NEK1: variants seen among roughly 807,000 people sequenced by gnomAD.
The protein encoded by NEK1 is serine/threonine-protein kinase Nek1.
NEK1 carries 137 observed loss-of-function variants against 182.1 expected under a neutral mutation model. That is an observed-to-expected ratio of 0.75 (90% CI 0.65 to 0.87). The LOEUF is 0.87. NEK1 is among the 40% of genes least tolerant of loss of function. The pLI is 0.00. For missense variants in NEK1, 1,391 were observed against 1,494.4 expected (o/e 0.93, Z 1.14); for synonymous variants, 513 against 492.2 (o/e 1.04, Z -0.56).
chr4:169,584,180 C>T (rs1392485385), intron 10 of NEK1, among the ~76,000 whole-genome samples: 2 of 151,580 alleles, frequency 1.3e-5, no homozygotes, highest in Admixed American at 6.6e-5. Flanking sequence ...TTCAGTTAAA[C>T]TCAACAAATA....
Position 169,433,539 on chromosome 4 carries a change from A to G in NEK1, c.2885+6T>C. On this transcript the variant is annotated splice_donor_region_variant and intron_variant, in intron 29 of 35. Transcript: ENST00000507142. The stretch of plus-strand genomic sequence containing the variant: ...GTTTTAAAATGTCAGGAAAAGATGT[A>G]CATACTGAGTTTCCTTTGTTTCTTT... The G allele has an allele frequency of 2.5e-6, 4 of 1,605,942 alleles. No individual in the cohort carries two copies. Among genetic ancestry groups the G allele is most frequent in the Non-Finnish European group, 3.4e-6 (4 of 1,177,616 alleles).
intron 29 of NEK1, among the ~76,000 whole-genome samples, chr4:169,428,289 A>G (rs757401119): frequency 6.7e-6 from 1 of 149,180 alleles, no homozygotes; most frequent in African/African-American, 2.4e-5. Flanking sequence ...GCACTCTTCC[A>G]ATAGCCAGAT....
chr4:169,538,475 A>C (rs763934845), intron 18 of NEK1, among the ~76,000 whole-genome samples: 6 of 152,192 alleles, frequency 3.9e-5, no homozygotes, highest in Admixed American at 3.3e-4. Context: ...ATCTTTTCCA[A>C]TTTTACTTTT....
At chr4:169,395,629 C>G (rs1214115971) in intron 35 of NEK1, among the ~76,000 whole-genome samples, 3 of 152,152 alleles carry the variant, frequency 2.0e-5, no homozygotes, top group African/African-American at 7.2e-5. Context: ...AATTTACTTA[C>G]TTTTCAAATA....
In NEK1 at chr4:169,556,071, T is replaced by C; in HGVS notation, c.1291A>G (p.Thr431Ala). 3.7e-6 allele frequency: 6 copies of C among 1,613,056 alleles called. No individual in the cohort carries two copies. Among genetic ancestry groups the C allele is most frequent in the Non-Finnish European group, 5.1e-6 (6 of 1,179,462 alleles). The stretch of plus-strand genomic sequence containing the variant: ...GAAGAAAAAGATGATGGAGCTATAG[T>C]CCCTCCACTGCCCAGAAAAGGAGCC... ...VKAPFLGSGGTIAPSSFSSRG... is the reference protein window; with the variant it reads ...VKAPFLGSGGAIAPSSFSSRG... The change falls in exon 17 of 36, where the codon ACT (threonine) becomes GCT (alanine). Residue 431 changes from threonine (T) to alanine (A), a missense_variant. Around this residue, in one of 5 missense-constraint regions of NEK1, gnomAD observed 1,216 missense variants for 1,277.6 expected, o/e 0.95. Transcript: ENST00000507142.
At chr4:169,542,549 T>C (rs1759636332) in intron 18 of NEK1, among the ~76,000 whole-genome samples, 1 of 152,250 alleles carries the variant, frequency 6.6e-6, no homozygotes, top group East Asian at 1.9e-4. Context: ...ATGGCATTTC[T>C]AGTTCTAGAT....
chr4:169,437,619 C>T (rs527887952), intron 28 of NEK1, among the ~76,000 whole-genome samples: 29 of 152,234 alleles, frequency 1.9e-4, no homozygotes, highest in African/African-American at 7.0e-4. Flanking sequence ...CTGTGAGCCC[C>T]GGGCCATCAC....
chr4:169,436,322 G>C (rs1231349348), intron 28 of NEK1, among the ~76,000 whole-genome samples: 1 of 152,236 alleles, frequency 6.6e-6, no homozygotes, highest in Non-Finnish European at 1.5e-5. Flanking sequence ...ATGTGCACTG[G>C]CTTTGGGACT....
chr4:169,406,627 T>G lies in NEK1; in HGVS notation c.3343A>C (p.Ile1115Leu), dbSNP rs780381011. ...LEIDEIEDEN[I>L]KEGPSDSEDI... ...TCAGAATCAGAAGGTCCTTCTTTAATGTTTTCATCTTCAATTTCATCTATT... is the reference window on the plus strand; with the variant it reads ...TCAGAATCAGAAGGTCCTTCTTTAAGGTTTTCATCTTCAATTTCATCTATT... Residue 1115 changes from isoleucine to leucine, a missense_variant, in exon 32 of 36, where the codon ATT (isoleucine) becomes CTT (leucine). Coordinates refer to ENST00000507142, the MANE Select transcript of NEK1 (RefSeq NM_001199397.3). 1.2e-6 allele frequency: 2 copies of G among 1,606,730 alleles called. No homozygotes were observed. The highest frequency in any genetic ancestry group is 2.7e-5 in the African/African-American group (2 of 74,680).
At chr4:169,599,756 C>T (rs1444834616) in intron 4 of NEK1, among the ~76,000 whole-genome samples, 10 of 152,086 alleles carry the variant, frequency 6.6e-5, no homozygotes. Flanking sequence ...TAAAAAATTG[C>T]ATATGATTTG....
intron 27 of NEK1, among the ~76,000 whole-genome samples, chr4:169,456,920 G>T (rs529900911): frequency 2.6e-5 from 4 of 152,178 alleles, no homozygotes; most frequent in Non-Finnish European, 5.9e-5. Context: ...GTATGGAACT[G>T]GAGGTCATTA....
At chr4:169,522,026 T>C (rs1756147955) in intron 19 of NEK1, among the ~76,000 whole-genome samples, 1 of 152,224 alleles carries the variant, frequency 6.6e-6, no homozygotes, top group Non-Finnish European at 1.5e-5. Context: ...TAAATTTTTG[T>C]ATTGTCCTAT....
chr4:169,496,523 T>A (rs1015179820), intron 23 of NEK1, among the ~76,000 whole-genome samples: 22 of 151,644 alleles, frequency 1.5e-4, no homozygotes, highest in Non-Finnish European at 1.5e-4. Flanking sequence ...CCATTCAGTG[T>A]GATATTGGCT....
rs1762904759 is a variant in NEK1 at position 169,561,559 on chromosome 4, G to A, written c.1192-5C>T. 6.2e-7 allele frequency: 1 copy of A among 1,612,070 alleles called. No homozygotes were observed. The highest frequency in any genetic ancestry group is 1.1e-5 in the South Asian group (1 of 90,662). ...GGCCCTATTTATTCTTTCCAACTTT[G>A]GGGAAAAGAAATAAACAAAACACCA... On this transcript the variant is annotated splice_region_variant and splice_polypyrimidine_tract_variant and intron_variant, in intron 15 of 35. Transcript: ENST00000507142.
intron 8 of NEK1, among the ~76,000 whole-genome samples, chr4:169,588,191 T>TTA (rs1457475613): frequency 6.6e-6 from 1 of 152,110 alleles, no homozygotes; most frequent in Non-Finnish European, 1.5e-5. Flanking sequence ...TTCCACCACT[T>TTA]ATTAGACTCA....
chr4:169,452,469 T>TC (rs1742001137), intron 27 of NEK1, among the ~76,000 whole-genome samples: 1 of 152,170 alleles, frequency 6.6e-6, no homozygotes, highest in Non-Finnish European at 1.5e-5. Flanking sequence ...TCCACCATGA[T>TC]CAAGTTGGCT....
At chr4:169,523,763 G>T (rs781141416) in intron 19 of NEK1, among the ~76,000 whole-genome samples, 3 of 152,108 alleles carry the variant, frequency 2.0e-5, no homozygotes, top group Non-Finnish European at 2.9e-5. Context: ...TTACTTAATT[G>T]TTGGTTTATT....
At chr4:169,467,728 A>G (rs554488094) in intron 26 of NEK1, among the ~76,000 whole-genome samples, 1 of 152,220 alleles carries the variant, frequency 6.6e-6, no homozygotes. Context: ...ATCACATTAA[A>G]TGTAAATGAT....
At chr4:169,536,157 C>T (rs1021420461) in intron 19 of NEK1, among the ~76,000 whole-genome samples, 34 of 151,726 alleles carry the variant, frequency 2.2e-4, no homozygotes, top group Admixed American at 1.6e-3. Context: ...CTTAGATGGG[C>T]GTGGTGGTAC....
Sources: allele counts gnomAD v4.1 joint callset (sites outside exome capture counted in the v4.1 genomes callset), GRCh38; gene constraint gnomAD v4.1.1; regional missense constraint gnomAD v4.1.1; transcripts MANE v1.5; gene names NCBI Gene and HGNC (gene_info 2026-07-23, HGNC 2026-07-21).